RETREG1: variants seen among roughly 807,000 people sequenced by gnomAD.
RETREG1 encodes reticulophagy regulator 1, also known as family with sequence similarity 134 member B.
In RETREG1, 44 loss-of-function variants were observed where a neutral mutation model predicts 54.8. The ratio of observed to expected loss-of-function variants is 0.80; its 90% confidence interval spans 0.63 to 1.03. RETREG1 has a LOEUF of 1.03. RETREG1 is among the 50% of genes least tolerant of loss of function. RETREG1 has a pLI of 0.00. For missense variants in RETREG1, 554 were observed against 605.1 expected, an observed-to-expected ratio of 0.92 and a Z score of 0.89; for synonymous variants, 217 against 238.5, an observed-to-expected ratio of 0.91 and a Z score of 0.83.
At chr5:16,498,428 T>TG (rs1183095767) in intron 3 of RETREG1, among the ~76,000 whole-genome samples, 1 of 152,156 alleles carries the variant, frequency 6.6e-6, no homozygotes, top group Admixed American at 6.5e-5. Context: ...TTTTAAAAAA[T>TG]GGGGCCAGGC....
intron 1 of RETREG1, among the ~76,000 whole-genome samples, chr5:16,574,202 T>G (rs200527986): frequency 6.6e-6 from 1 of 152,108 alleles, no homozygotes; most frequent in East Asian, 1.9e-4. Context: ...TAATCTGGGG[T>G]GCCTCAGCAG....
In RETREG1 at chr5:16,573,735, G is replaced by GTTTTTTTTTTT. The variant is rs3993826; in HGVS notation, c.321-1634_321-1633insAAAAAAAAAAA. Among the ~76,000 whole-genome samples, 487 of 122,102 alleles carry GTTTTTTTTTTT rather than the reference G, an allele frequency of 4.0e-3. 33 individuals carry two copies. The highest frequency in any genetic ancestry group is 5.9e-3 in the Non-Finnish European group (341 of 58,212). The allele number at this position is 122,102 out of a possible 152,430, so 80.1% of individuals were successfully genotyped here. ...TTTAATTGGTTTTTTGGGTTTGTTT[G>GTTTTTTTTTTT]TTTTTTGTTTTTTTTTTTTTTTTTT... On this transcript the variant is annotated intron_variant, in intron 1 of 8. Transcript: ENST00000306320.
At chr5:16,491,818 T>A (rs1261982257) in intron 3 of RETREG1, among the ~76,000 whole-genome samples, 3 of 151,840 alleles carry the variant, frequency 2.0e-5, no homozygotes, top group Non-Finnish European at 4.4e-5. Context: ...ATCCCCAGAG[T>A]TCATGACCAG....
At chr5:16,510,639 A>G (rs1740140703) in intron 3 of RETREG1, among the ~76,000 whole-genome samples, 1 of 151,672 alleles carries the variant, frequency 6.6e-6, no homozygotes, top group Non-Finnish European at 1.5e-5. Context: ...AAAATACAAA[A>G]ATTAGCCGAG....
intron 3 of RETREG1, among the ~76,000 whole-genome samples, chr5:16,499,894 G>T (rs998279922): frequency 1.3e-5 from 2 of 152,316 alleles, no homozygotes; most frequent in South Asian, 4.1e-4. Context: ...CAAAGAATCT[G>T]CAGTCTGGTA....
chr5:16,479,490 G>T (rs939362305), intron 5 of RETREG1, among the ~76,000 whole-genome samples: 4 of 152,128 alleles, frequency 2.6e-5, no homozygotes, highest in African/African-American at 9.6e-5. Context: ...TATTTCTTGG[G>T]GTTGTTGTGA....
At chr5:16,531,629 G>A (rs1033456067) in intron 3 of RETREG1, among the ~76,000 whole-genome samples, 3 of 152,148 alleles carry the variant, frequency 2.0e-5, no homozygotes, top group African/African-American at 4.8e-5. Context: ...GCCTCCCAGG[G>A]AAGGGGTGCC....
In RETREG1 at chr5:16,551,093, A is replaced by G. The variant is rs1291612978; in HGVS notation, c.458+14670T>C. Among the ~76,000 whole-genome samples, 6 of 151,634 alleles carry G rather than the reference A, an allele frequency of 4.0e-5. No homozygotes were observed. The Admixed American group carries it at 4.0e-4, about 10-fold the overall frequency. ...AATTTTATGTTATATGCATTTTATCACAATTTTTAAAAATAACAACAAAAG... is the reference window on the plus strand; with the variant it reads ...AATTTTATGTTATATGCATTTTATCGCAATTTTTAAAAATAACAACAAAAG... On this transcript the variant is annotated intron_variant, in intron 3 of 8. Coordinates refer to ENST00000306320, the MANE Select transcript of RETREG1 (RefSeq NM_001034850.3).
intron 3 of RETREG1, among the ~76,000 whole-genome samples, chr5:16,530,532 A>G (rs1019554397): frequency 7.2e-5 from 11 of 152,318 alleles, no homozygotes; most frequent in South Asian, 2.1e-4. Flanking sequence ...AAACACTGAG[A>G]CCAGTGCTTG....
intron 3 of RETREG1, among the ~76,000 whole-genome samples, chr5:16,492,952 T>C (rs1467564099): frequency 1.3e-5 from 2 of 152,178 alleles, no homozygotes; most frequent in South Asian, 2.1e-4. Context: ...TCAGGCCAAT[T>C]AGCCACGTGA....
chr5:16,539,047 A>G (rs897492447), intron 3 of RETREG1, among the ~76,000 whole-genome samples: 1 of 152,206 alleles, frequency 6.6e-6, no homozygotes, highest in African/African-American at 2.4e-5. Flanking sequence ...CTGCATTCCA[A>G]GATTTTTCAG....
rs1348413271 is a variant in RETREG1, at chr5:16,561,881, C to T, written c.458+3882G>A. Among the ~76,000 whole-genome samples the T allele has an allele frequency of 2.6e-5, 4 of 152,160 alleles. No homozygotes were observed. The highest frequency in any genetic ancestry group is 5.9e-5 in the Non-Finnish European group (4 of 68,030). ...CTGAGTCTCAGTAAATCTGAAAGAA[C>T]CCTGAGTCAAAGAGCATGGAGTGCT... On this transcript the variant is annotated intron_variant, in intron 3 of 8. Transcript: ENST00000306320. The surrounding 1 kb of genome is among the most constrained non-coding windows in gnomAD (Gnocchi z 4.2).
intron 3 of RETREG1, among the ~76,000 whole-genome samples, chr5:16,553,748 A>G (rs528208470): frequency 5.9e-5 from 9 of 152,196 alleles, no homozygotes; most frequent in African/African-American, 1.9e-4. Context: ...AGGTTCATGT[A>G]TATTCATTTT....
intron 3 of RETREG1, among the ~76,000 whole-genome samples, chr5:16,546,256 T>C (rs1390370720): frequency 6.6e-6 from 1 of 152,092 alleles, no homozygotes; most frequent in Non-Finnish European, 1.5e-5. Flanking sequence ...CAGCCTCAAA[T>C]TCCTGGGCTT....
intron 3 of RETREG1, among the ~76,000 whole-genome samples, chr5:16,509,916 C>T (rs1740114188): frequency 6.6e-6 from 1 of 152,166 alleles, no homozygotes; most frequent in Non-Finnish European, 1.5e-5. Context: ...ATTGCTTGAG[C>T]CCCAGAGGTG....
At chr5:16,503,179 C>T (rs1435803998) in intron 3 of RETREG1, among the ~76,000 whole-genome samples, 2 of 152,218 alleles carry the variant, frequency 1.3e-5, no homozygotes, top group Non-Finnish European at 2.9e-5. Flanking sequence ...CACTTATTAA[C>T]TGGTGATTCA....
chr5:16,589,566 A>G (rs1472700473), intron 1 of RETREG1, among the ~76,000 whole-genome samples: 1 of 152,144 alleles, frequency 6.6e-6, no homozygotes, highest in Non-Finnish European at 1.5e-5. Context: ...GGGCTTCACC[A>G]TGTTGGTCAA....
rs544768899 is a variant in RETREG1, at chr5:16,568,704, A to AG, written c.428-2912dup. Among the ~76,000 whole-genome samples the AG allele has an allele frequency of 6.5e-4, 99 of 152,300 alleles. 2 individuals carry two copies. In the South Asian group the frequency reaches 6.8e-3, roughly 11 times the overall value. On this transcript the variant is annotated intron_variant, in intron 2 of 8. Transcript: ENST00000306320. ...GCTGGAGGAAGGGGGAACAGGGGAA[A>AG]GGGGGACTTGGCTGTTCAATGGGAA... is the stretch of plus-strand genomic sequence containing the variant.
intron 3 of RETREG1, among the ~76,000 whole-genome samples, chr5:16,557,226 G>C (rs6862083): frequency 0.44 from 66,950 of 152,056 alleles, 15,280 homozygotes; most frequent in African/African-American, 0.56. Flanking sequence ...TTCTAGGCAC[G>C]TACTTACTTG....
Sources: gnomAD v4.1 joint callset for allele counts (sites outside exome capture counted in the v4.1 genomes callset) on GRCh38, gnomAD v4.1.1 for gene constraint, Gnocchi (gnomAD v3.1) non-coding constraint, MANE v1.5 for transcripts, NCBI Gene and HGNC (gene_info 2026-07-23, HGNC 2026-07-21) for gene names.